Variants in CDC42BPA observed in about 807,000 individuals in gnomAD.
The protein encoded by CDC42BPA is CDC42 binding protein kinase alpha, also known as serine/threonine-protein kinase MRCK alpha.
A neutral mutation model predicts 223.5 loss-of-function variants in CDC42BPA; 80 were observed. The ratio of observed to expected loss-of-function variants is 0.36; its 90% confidence interval spans 0.30 to 0.43. The LOEUF (loss-of-function observed/expected upper bound fraction) is 0.43. Among genes scored for constraint, CDC42BPA ranks in the 20% least tolerant of loss-of-function variants. CDC42BPA has a pLI of 1.00. For synonymous variants in CDC42BPA, 694 were observed against 718.6 expected, an observed-to-expected ratio of 0.97 and a Z score of 0.55; for missense variants, 1,743 against 2,099.9, an observed-to-expected ratio of 0.83 and a Z score of 3.32.
rs764215393 is a variant in CDC42BPA, at chr1:227,060,746, CAG to C, written c.2905-8763_2905-8762del. Among the ~76,000 whole-genome samples the C allele has an allele frequency of 5.7e-3, 537 of 94,118 alleles. 4 individuals carry two copies. The highest frequency in any genetic ancestry group is 8.2e-3 in the Non-Finnish European group (408 of 49,714). 61.7% of individuals were successfully genotyped at this position (94,118 alleles called of 152,430 possible). On this transcript the variant is annotated intron_variant, in intron 21 of 36. Coordinates refer to ENST00000366766, the MANE Select transcript of CDC42BPA (RefSeq NM_001394014.1). ...TTTTTTTTTTTTTTTTTTTTTGAGA[CAG>C]AGTCTTGCTCTGTCACCCAGGTGGA...
rs66527313 is a variant in CDC42BPA at position 227,060,030 on chromosome 1, G to GTTTTTT, written c.2905-8051_2905-8046dup. On this transcript the variant is annotated intron_variant, in intron 21 of 36. Coordinates refer to ENST00000366766, the MANE Select transcript of CDC42BPA (RefSeq NM_001394014.1). ...CAATTATCTCAAAAAGTTTTTTTTT[G>GTTTTTT]TTTTTTTTTTTTTTTTTTGAGACGG... Among the ~76,000 whole-genome samples, 51 of 117,654 alleles carry GTTTTTT rather than the reference G, an allele frequency of 4.3e-4. 1 individual carries two copies. In the East Asian group the frequency reaches 5.4e-3, roughly 12 times the overall value. 77.2% of individuals were successfully genotyped at this position (117,654 alleles called of 152,430 possible).
At position 227,091,979 on chromosome 1, in the gene CDC42BPA, C is replaced by G; in HGVS notation, c.2262G>C (p.Arg754Ser). 6.3e-7 allele frequency: 1 copy of G among 1,593,256 alleles called. No individual in the cohort carries two copies. Among genetic ancestry groups the G allele is most frequent in the Non-Finnish European group, 8.6e-7 (1 of 1,166,510 alleles). The change falls in exon 16 of 37, where the codon AGG becomes AGC. Residue 754 changes from arginine (R) to serine (S), a missense_variant. Physicochemically the swap from Arg to Ser is moderately radical, Grantham distance 110. Coordinates refer to ENST00000366766, the MANE Select transcript of CDC42BPA (RefSeq NM_001394014.1). ...EKTRRESQSEREEFESEFKQQ... is the reference protein window; with the variant it reads ...EKTRRESQSESEEFESEFKQQ... ...GTTTGAACTCACTTTCAAATTCCTCCCTTTCACTTTGACTAACACAATTCA... is the reference window on the plus strand; with the variant it reads ...GTTTGAACTCACTTTCAAATTCCTCGCTTTCACTTTGACTAACACAATTCA...
intron 10 of CDC42BPA, among the ~76,000 whole-genome samples, chr1:227,134,361 A>T (rs563471097): frequency 1.2e-4 from 18 of 152,326 alleles, no homozygotes; most frequent in Admixed American, 1.0e-3. Flanking sequence ...GTCATTTAAA[A>T]CTCATGATTA....
At chr1:227,021,241 T>C (rs1667318930) in intron 32 of CDC42BPA, among the ~76,000 whole-genome samples, 1 of 152,116 alleles carries the variant, frequency 6.6e-6, no homozygotes, top group South Asian at 2.1e-4. Context: ...CACTGAGACT[T>C]ACTAGAGGCA....
At chr1:227,089,627 GTTTTTTTTTTTTT>G (rs72110440) in intron 16 of CDC42BPA, among the ~76,000 whole-genome samples, 6 of 116,718 alleles carry the variant, frequency 5.1e-5, no homozygotes, top group Non-Finnish European at 1.0e-4. Context: ...GGGTAATTCC[GTTTTTTTTTTTTT>G]TTTTTTTTTT....
intron 2 of CDC42BPA, among the ~76,000 whole-genome samples, chr1:227,214,817 CTAA>C (rs1674543707): frequency 6.6e-6 from 1 of 152,074 alleles, no homozygotes; most frequent in Non-Finnish European, 1.5e-5. Context: ...ATGATAACTA[CTAA>C]TAACAGTAGT....
At chr1:227,303,032 C>T (rs1387067069) in intron 1 of CDC42BPA, among the ~76,000 whole-genome samples, 1 of 139,714 alleles carries the variant, frequency 7.2e-6, no homozygotes, top group East Asian at 2.1e-4. Context: ...CGAAGTTATG[C>T]TTTCCCTGAA....
In CDC42BPA at chr1:227,112,771, G is replaced by T; in HGVS notation, c.1790C>A (p.Ala597Asp). 3 of 1,614,032 alleles carry T rather than the reference G, an allele frequency of 1.9e-6. No individual in the cohort carries two copies. Among genetic ancestry groups the T allele is most frequent in the Non-Finnish European group, 2.5e-6 (3 of 1,179,984 alleles). The change falls in exon 13 of 37, where the codon GCT (alanine) becomes GAT (aspartate). Residue 597 changes from alanine to aspartate, a missense_variant. By Grantham distance (126) the Ala-to-Asp change is moderately radical. Coordinates refer to ENST00000366766, the MANE Select transcript of CDC42BPA (RefSeq NM_001394014.1). Reference protein sequence around the residue: ...TELHTQKQKLARHVRDKEEEV... With the variant: ...TELHTQKQKLDRHVRDKEEEV... ...TTCTTCCTTATCTCGGACATGGCGA[G>T]CAAGTTTCTGTTTTTGGGTGTGCAA...
chr1:227,177,473 T>C (rs967675432), intron 5 of CDC42BPA, among the ~76,000 whole-genome samples: 34 of 152,192 alleles, frequency 2.2e-4, no homozygotes, highest in Non-Finnish European at 3.7e-4. Flanking sequence ...CATTCCATTT[T>C]TTTTTCCCTG....
intron 24 of CDC42BPA, among the ~76,000 whole-genome samples, chr1:227,037,430 T>G (rs1465687246): frequency 6.6e-6 from 1 of 152,234 alleles, no homozygotes; most frequent in Admixed American, 6.5e-5. Flanking sequence ...CCCTGAACAT[T>G]TTATTTGGCT....
At chr1:227,252,123 A>G (rs1682117238) in intron 2 of CDC42BPA, among the ~76,000 whole-genome samples, 1 of 152,110 alleles carries the variant, frequency 6.6e-6, no homozygotes, top group South Asian at 2.1e-4. Context: ...AAAATCAGAA[A>G]AAGAATAGCA....
intron 34 of CDC42BPA, among the ~76,000 whole-genome samples, chr1:227,008,700 T>G (rs1664585018): frequency 6.6e-6 from 1 of 152,150 alleles, no homozygotes; most frequent in Non-Finnish European, 1.5e-5. Flanking sequence ...TAATACCACT[T>G]GAAAAGCTCC....
chr1:227,237,875 A>T (rs1338103553), intron 2 of CDC42BPA, among the ~76,000 whole-genome samples: 4 of 151,564 alleles, frequency 2.6e-5, no homozygotes, highest in Non-Finnish European at 5.9e-5. Flanking sequence ...CCCTGTCTCT[A>T]CTAAGAATAC....
chr1:227,108,905 C>T (rs1231195218), intron 14 of CDC42BPA, among the ~76,000 whole-genome samples: 1 of 152,108 alleles, frequency 6.6e-6, no homozygotes, highest in Non-Finnish European at 1.5e-5. Flanking sequence ...CTATTGCTCC[C>T]AGGTTACAAA....
In CDC42BPA at chr1:226,991,875, T is replaced by C. The variant is rs1357518584; in HGVS notation, c.*2393A>G. On this transcript the variant is annotated 3_prime_UTR_variant, in exon 37 of 37. Coordinates refer to ENST00000366766, the MANE Select transcript of CDC42BPA (RefSeq NM_001394014.1). ...AACTAATGGCTTATGTCAAGTCCTG[T>C]TAATCTCGGCTTGGGATGGCCTCCT... 1 of 151,390 alleles carries C rather than the reference T, an allele frequency of 6.6e-6. No individual in the cohort carries two copies. The highest frequency in any genetic ancestry group is 1.5e-5 in the Non-Finnish European group (1 of 67,922). The allele number at this position is 151,390 out of a possible 1,614,324, so 9.4% of individuals were successfully genotyped here. A position where few individuals can be genotyped will look rare whatever the true frequency, so the allele number is the denominator to read the frequency against.
At chr1:227,247,881 C>T (rs1168558211) in intron 2 of CDC42BPA, among the ~76,000 whole-genome samples, 1 of 151,910 alleles carries the variant, frequency 6.6e-6, no homozygotes, top group Non-Finnish European at 1.5e-5. Flanking sequence ...GACTCCATCT[C>T]AAAATAAATA....
chr1:227,010,597 A>G (rs1289750881), intron 34 of CDC42BPA, among the ~76,000 whole-genome samples: 1 of 152,212 alleles, frequency 6.6e-6, no homozygotes, highest in Non-Finnish European at 1.5e-5. Context: ...AAAAACTTTT[A>G]TTAAACATAG....
At chr1:227,041,820 TTACTAAC>T (rs1321570405) in intron 23 of CDC42BPA, among the ~76,000 whole-genome samples, 2 of 152,178 alleles carry the variant, frequency 1.3e-5, no homozygotes, top group East Asian at 3.9e-4. Flanking sequence ...GTCTATCTTA[TTACTAAC>T]TCTGCAACTG....
At chr1:227,242,988 G>A (rs572847595) in intron 2 of CDC42BPA, among the ~76,000 whole-genome samples, 2 of 152,284 alleles carry the variant, frequency 1.3e-5, no homozygotes, top group Admixed American at 6.5e-5. Flanking sequence ...ATGCTATGCA[G>A]CCACAGAAAA....
Sources: allele counts gnomAD v4.1 joint callset (sites outside exome capture counted in the v4.1 genomes callset), GRCh38; gene constraint gnomAD v4.1.1; transcripts MANE v1.5; gene names NCBI Gene and HGNC (gene_info 2026-07-23, HGNC 2026-07-21).